GLCCI1: variants seen among roughly 807,000 people sequenced by gnomAD.
The protein encoded by GLCCI1 is glucocorticoid-induced transcript 1 protein.
GLCCI1 carries 24 observed loss-of-function variants against 52.2 expected under a neutral mutation model. The ratio of observed to expected loss-of-function variants is 0.46; its 90% CI spans 0.33 to 0.65. The LOEUF (loss-of-function observed/expected upper bound fraction) is 0.65, where lower values mean the gene tolerates loss of function less well. GLCCI1 is among the 30% of genes least tolerant of loss of function. The pLI is 0.02. For synonymous variants in GLCCI1, 310 were observed against 276.5 expected (o/e 1.12, Z -1.20); for missense variants, 704 against 701.5 (o/e 1.00, Z -0.04).
At chr7:8,057,105 CA>C (rs1049642340) in intron 4 of GLCCI1, among the ~76,000 whole-genome samples, 4 of 152,058 alleles carry the variant, frequency 2.6e-5, no homozygotes, top group African/African-American at 9.7e-5. Flanking sequence ...GGTGGGAACA[CA>C]AAAAGGTACA....
At chr7:8,055,753 G>A (rs752843790) in intron 4 of GLCCI1, 1 of 361,106 alleles carries the variant, frequency 2.8e-6, no homozygotes, top group Non-Finnish European at 5.2e-6. Flanking sequence ...ACTTTGGGAG[G>A]CCGAGGCGGG....
At chr7:7,992,073 TTCTTTCTTTCTTTCTTTCTTTCTTTCTG>T (rs1175347571) in intron 1 of GLCCI1, among the ~76,000 whole-genome samples, 3 of 144,716 alleles carry the variant, frequency 2.1e-5, no homozygotes, top group Non-Finnish European at 4.5e-5. Context: ...CTTTCTTTCT[TTCTTTCTTTCTTTCTTTCTTTCTTTCTG>T]TCTGTTTCTC....
intron 1 of GLCCI1, among the ~76,000 whole-genome samples, chr7:8,002,473 G>A (rs1456798600): frequency 6.6e-6 from 1 of 152,108 alleles, no homozygotes; most frequent in Non-Finnish European, 1.5e-5. Flanking sequence ...AAGTAATACA[G>A]ATAAAGAGGA....
At chr7:8,030,089 C>G (rs577604754) in intron 3 of GLCCI1, among the ~76,000 whole-genome samples, 80 of 152,272 alleles carry the variant, frequency 5.3e-4, no homozygotes, top group African/African-American at 1.9e-3. Context: ...ATAGCCAAAG[C>G]TGTCCTAAGC....
intron 4 of GLCCI1, among the ~76,000 whole-genome samples, chr7:8,057,040 G>C (rs976184442): frequency 6.6e-6 from 1 of 152,104 alleles, no homozygotes; most frequent in Non-Finnish European, 1.5e-5. Context: ...GAAAAATACT[G>C]ACAATACCAA....
At chr7:8,066,681 T>G (rs1439900937) in intron 5 of GLCCI1, among the ~76,000 whole-genome samples, 1 of 151,980 alleles carries the variant, frequency 6.6e-6, no homozygotes. Flanking sequence ...TTCCATGTAA[T>G]TATATGGTTT....
intron 1 of GLCCI1, among the ~76,000 whole-genome samples, chr7:7,985,542 A>AAATT (rs201505419): frequency 1.3e-5 from 2 of 150,320 alleles, no homozygotes; most frequent in African/African-American, 2.5e-5. Flanking sequence ...ACTTTAAGTT[A>AAATT]AAAAAAAACC....
intron 5 of GLCCI1, chr7:8,070,697 C>T: frequency 8.2e-6 from 4 of 489,140 alleles, no homozygotes; most frequent in South Asian, 2.2e-5. Flanking sequence ...ATACAGTGAG[C>T]TATGGAATTT....
chr7:8,012,903 A>G (rs1051058332), intron 2 of GLCCI1, among the ~76,000 whole-genome samples: 4 of 152,130 alleles, frequency 2.6e-5, no homozygotes, highest in African/African-American at 7.2e-5. Context: ...TTCTTCTAAG[A>G]ATTTTAGCCT....
intron 2 of GLCCI1, among the ~76,000 whole-genome samples, chr7:8,011,881 T>C (rs974293214): frequency 2.6e-5 from 4 of 152,126 alleles, no homozygotes; most frequent in African/African-American, 9.7e-5. Context: ...AGTGGCACTA[T>C]CTTGGCTCAC....
rs981157747 is a variant in GLCCI1 at position 8,088,048 on chromosome 7, A to G, written c.*1510A>G. The G allele has an allele frequency of 1.3e-5, 2 of 152,174 alleles. No homozygotes were observed. The highest frequency in any genetic ancestry group is 2.1e-4 in the South Asian group (1 of 4,834). The allele number at this position is 152,174 out of a possible 1,614,324, so 9.4% of individuals were successfully genotyped here. A position where few individuals can be genotyped will look rare whatever the true frequency, so the allele number is the denominator to read the frequency against. Reference sequence around the variant, plus strand: ...ACCTAGAGTTGTTTCATCTGCGCCTAAAGTGTATGGCACAATTTTCTTAAG... The same window carrying G: ...ACCTAGAGTTGTTTCATCTGCGCCTGAAGTGTATGGCACAATTTTCTTAAG... On this transcript the variant is annotated 3_prime_UTR_variant, in exon 8 of 8. Transcript: ENST00000223145.
chr7:8,061,881 G>A (rs1483345558), intron 5 of GLCCI1, among the ~76,000 whole-genome samples: 5 of 151,522 alleles, frequency 3.3e-5, no homozygotes, highest in African/African-American at 1.2e-4. Flanking sequence ...TGACCAGGCT[G>A]GTCTCGAACT....
In GLCCI1 at chr7:8,058,623, C is replaced by T. The variant is rs747327636; in HGVS notation, c.814-1473C>T. Among the ~76,000 whole-genome samples, 24 of 152,218 alleles carry T rather than the reference C, an allele frequency of 1.6e-4. 1 individual carries two copies. The South Asian group carries it at 3.9e-3, about 25-fold the overall frequency. ...TGGGGGAAATAATACTGAGACTTTA[C>T]ACCATACACAAAAGTAAATCATGAT... On this transcript the variant is annotated intron_variant, in intron 4 of 7. Transcript: ENST00000223145.
chr7:7,998,393 T>C (rs1780986107), intron 1 of GLCCI1, among the ~76,000 whole-genome samples: 1 of 152,084 alleles, frequency 6.6e-6, no homozygotes, highest in South Asian at 2.1e-4. Context: ...TTTTTGTACT[T>C]TTAGTAGAGA....
rs200792139 is a variant in GLCCI1, at chr7:8,086,385, C to G, written c.1491C>G (p.Leu497=). The part of the protein sequence containing the change: ...SALATLTVEQ[L]SSRVSFTSLS... Reference sequence around the variant, plus strand: ...TGGCAACTCTGACCGTTGAGCAGCTCTCATCCCGGGTTTCCTTTACGTCTC... The same window carrying G: ...TGGCAACTCTGACCGTTGAGCAGCTGTCATCCCGGGTTTCCTTTACGTCTC... The change falls in exon 8 of 8, where the codon CTC becomes CTG. Residue 497 remains leucine (L), a synonymous_variant. Transcript: ENST00000223145. The surrounding 1 kb of genome is among the most constrained non-coding windows in gnomAD (Gnocchi z 4.4). The G allele has an allele frequency of 1.8e-5, 29 of 1,614,038 alleles. No individual in the cohort carries two copies. The highest frequency in any genetic ancestry group is 2.0e-5 in the Non-Finnish European group (24 of 1,180,040).
chr7:8,067,094 G>C (rs1782645050), intron 5 of GLCCI1, among the ~76,000 whole-genome samples: 1 of 152,184 alleles, frequency 6.6e-6, no homozygotes, highest in African/African-American at 2.4e-5. Context: ...ATTTAGGATA[G>C]TTAGGTCTTC....
At chr7:8,083,217 C>T (rs1457893372) in intron 6 of GLCCI1, among the ~76,000 whole-genome samples, 2 of 152,090 alleles carry the variant, frequency 1.3e-5, no homozygotes, top group Non-Finnish European at 2.9e-5. Context: ...ATATGCACAT[C>T]ATGAAGAATG....
chr7:8,040,919 A>G (rs1781984080), intron 3 of GLCCI1, among the ~76,000 whole-genome samples: 1 of 152,148 alleles, frequency 6.6e-6, no homozygotes, highest in Admixed American at 6.5e-5. Context: ...TAGGCCAACT[A>G]ATACTCCTAC....
intron 2 of GLCCI1, among the ~76,000 whole-genome samples, chr7:8,016,603 G>T (rs1012181960): frequency 1.3e-5 from 2 of 152,168 alleles, no homozygotes; most frequent in Non-Finnish European, 2.9e-5. Context: ...ATAAATGAAT[G>T]ATTGATATGG....
Sources: gnomAD v4.1 joint callset for allele counts (sites outside exome capture counted in the v4.1 genomes callset) on GRCh38, gnomAD v4.1.1 for gene constraint, Gnocchi (gnomAD v3.1) non-coding constraint, MANE v1.5 for transcripts, NCBI Gene and HGNC (gene_info 2026-07-23, HGNC 2026-07-21) for gene names.